KYNU: variants seen among roughly 807,000 people sequenced by gnomAD.
KYNU encodes the protein kynureninase.
KYNU carries 54 observed loss-of-function variants against 59.2 expected under a neutral mutation model. The observed-to-expected ratio is 0.91, with a 90% CI of 0.73 to 1.14. KYNU has a LOEUF of 1.14. Among genes scored for constraint, KYNU ranks in the 50% most tolerant of loss-of-function variants. The pLI is 0.00. For synonymous variants in KYNU, 177 were observed against 192.0 expected, an observed-to-expected ratio of 0.92 and a Z score of 0.65; for missense variants, 567 against 554.4, an observed-to-expected ratio of 1.02 and a Z score of -0.23.
At chr2:143,038,235 A>G (rs1233459607) in intron 12 of KYNU, among the ~76,000 whole-genome samples, 1 of 152,154 alleles carries the variant, frequency 6.6e-6, no homozygotes, top group African/African-American at 2.4e-5. Flanking sequence ...AGAATTATTT[A>G]TTATTTAGAA....
At chr2:143,031,155 A>T (rs544491109) in intron 11 of KYNU, among the ~76,000 whole-genome samples, 1 of 152,332 alleles carries the variant, frequency 6.6e-6, no homozygotes, top group South Asian at 2.1e-4. Context: ...TCAAGTCAGG[A>T]TACCTGTATT....
At chr2:143,010,895 T>G (rs1457762995) in intron 10 of KYNU, among the ~76,000 whole-genome samples, 1 of 145,226 alleles carries the variant, frequency 6.9e-6, no homozygotes, top group African/African-American at 2.6e-5. Context: ...TCCTTACACC[T>G]TATACAAAAA....
intron 8 of KYNU, among the ~76,000 whole-genome samples, chr2:142,982,077 A>C (rs535161202): frequency 2.8e-4 from 42 of 152,268 alleles, no homozygotes; most frequent in African/African-American, 1.0e-3. Flanking sequence ...TTTCTTAGGA[A>C]GTGTTAGAAC....
At position 142,880,712 on chromosome 2, in the gene KYNU, T is replaced by C. The variant is rs73963772; in HGVS notation, c.-20+2976T>C. On this transcript the variant is annotated intron_variant, in intron 1 of 13. Transcript: ENST00000264170. ...TGGTTAGAGCTTTTATAGCAAATAA[T>C]TCACAGATCTTTGATGAAACTACAT... Among the ~76,000 whole-genome samples the C allele has an allele frequency of 4.3e-3, 651 of 152,360 alleles. 5 individuals carry two copies. Among genetic ancestry groups the C allele is most frequent in the African/African-American group, 0.015 (625 of 41,584 alleles).
chr2:143,026,741 CCGCAG>C, intron 10 of KYNU, among the ~76,000 whole-genome samples: 2 of 87,146 alleles, frequency 2.3e-5, no homozygotes, highest in East Asian at 4.1e-4. Context: ...GCTCTGCTGT[CCGCAG>C]TCCGCAGTCC....
intron 2 of KYNU, among the ~76,000 whole-genome samples, chr2:142,890,022 C>T (rs1472682830): frequency 2.0e-5 from 3 of 151,358 alleles, no homozygotes; most frequent in Non-Finnish European, 4.4e-5. Context: ...TAGATGGTGC[C>T]TGAGATGTTA....
chr2:143,040,389 C>T, intron 12 of KYNU, 39 bp from the exon 13 acceptor site: 1 of 1,488,430 alleles, frequency 6.7e-7, no homozygotes, highest in East Asian at 2.3e-5. Context: ...CTTTGTAAAT[C>T]AATAAGACAC....
intron 10 of KYNU, among the ~76,000 whole-genome samples, chr2:143,020,528 G>A (rs1686373979): frequency 6.6e-6 from 1 of 152,134 alleles, no homozygotes; most frequent in Non-Finnish European, 1.5e-5. Flanking sequence ...AAGTTGTTGA[G>A]AATTGTTTGT....
Position 142,921,154 on chromosome 2 carries a change from C to T in KYNU, c.290+2425C>T, listed in dbSNP as rs148148412. Among the ~76,000 whole-genome samples the T allele has an allele frequency of 7.8e-4, 119 of 152,242 alleles. 2 individuals carry two copies. The highest frequency in any genetic ancestry group is 5.4e-3 in the East Asian group (28 of 5,164). On this transcript the variant is annotated intron_variant, in intron 3 of 13. Coordinates refer to ENST00000264170, the MANE Select transcript of KYNU (RefSeq NM_003937.3). Reference sequence around the variant, plus strand: ...CAGCCATGGGTAAGGGTTTATATACCAGCTTGACTAAAGGGAAGAGTTTTA... The same window carrying T: ...CAGCCATGGGTAAGGGTTTATATACTAGCTTGACTAAAGGGAAGAGTTTTA...
At chr2:142,936,733 T>G (rs945624330) in intron 4 of KYNU, among the ~76,000 whole-genome samples, 2 of 152,100 alleles carry the variant, frequency 1.3e-5, no homozygotes, top group South Asian at 4.1e-4. Flanking sequence ...CCCAGGAAAC[T>G]TACTGGTAGG....
At chr2:143,024,973 C>T (rs1276649891) in intron 10 of KYNU, among the ~76,000 whole-genome samples, 1 of 151,834 alleles carries the variant, frequency 6.6e-6, no homozygotes, top group African/African-American at 2.4e-5. Context: ...TATCTTTTGT[C>T]CCTTGCTAGT....
rs749236155 is a variant in KYNU, at chr2:142,885,415, T to C, written c.48T>C (p.Ile16=). The C allele has an allele frequency of 2.5e-5, 41 of 1,613,922 alleles. No homozygotes were observed. The East Asian group carries it at 8.2e-4, about 32-fold the overall frequency. The change falls in exon 2 of 14, where the codon ATT becomes ATC. Residue 16 remains isoleucine, a synonymous_variant. Coordinates refer to ENST00000264170, the MANE Select transcript of KYNU (RefSeq NM_003937.3). The part of the protein sequence containing the change: ...LELPADTVQR[I]AAELKCHPTD... ...TGCCGGCTGACACAGTGCAGCGCAT[T>C]GCGGCTGAACTCAAATGCCACCCAA...
intron 4 of KYNU, among the ~76,000 whole-genome samples, chr2:142,943,460 A>G (rs1181027879): frequency 6.6e-6 from 1 of 152,228 alleles, no homozygotes; most frequent in African/African-American, 2.4e-5. Context: ...AAAAAATTCA[A>G]TTTCAGATGA....
chr2:143,029,428 A>G (rs925169618), intron 10 of KYNU, among the ~76,000 whole-genome samples, 199 bp from the exon 11 acceptor site: 1 of 152,164 alleles, frequency 6.6e-6, no homozygotes, highest in African/African-American at 2.4e-5. Flanking sequence ...TCTACTAAAA[A>G]GACAAAAACT....
chr2:142,978,261 G>A (rs1352359018), intron 8 of KYNU, among the ~76,000 whole-genome samples: 6 of 151,212 alleles, frequency 4.0e-5, no homozygotes, highest in African/African-American at 1.5e-4. Context: ...TCCCTATACC[G>A]TTTTCTTTTT....
At chr2:142,977,681 A>G (rs1684933479) in intron 8 of KYNU, among the ~76,000 whole-genome samples, 1 of 152,182 alleles carries the variant, frequency 6.6e-6, no homozygotes, top group Non-Finnish European at 1.5e-5. Context: ...AATACATTGC[A>G]TAAAATAGTA....
At chr2:143,023,672 C>T (rs1399928867) in intron 10 of KYNU, among the ~76,000 whole-genome samples, 1 of 151,562 alleles carries the variant, frequency 6.6e-6, no homozygotes, top group African/African-American at 2.4e-5. Flanking sequence ...CAAGTGATAA[C>T]AGATTAGGTA....
At chr2:142,968,367 T>G (rs1684611586) in intron 8 of KYNU, among the ~76,000 whole-genome samples, 1 of 152,154 alleles carries the variant, frequency 6.6e-6, no homozygotes, top group Non-Finnish European at 1.5e-5. Flanking sequence ...TATTTCAGTG[T>G]AATTTGTGTA....
chr2:142,887,801 A>C (rs1681568464), intron 2 of KYNU, among the ~76,000 whole-genome samples: 1 of 152,228 alleles, frequency 6.6e-6, no homozygotes, highest in South Asian at 2.1e-4. Flanking sequence ...ATAAAATTTC[A>C]ATTTTGCAAG....
Sources: allele counts gnomAD v4.1 joint callset (sites outside exome capture counted in the v4.1 genomes callset), GRCh38; gene constraint gnomAD v4.1.1; transcripts MANE v1.5; gene names NCBI Gene and HGNC (gene_info 2026-07-23, HGNC 2026-07-21).